Variants in ESR1 observed in about 807,000 individuals in gnomAD.
The protein encoded by ESR1 is estrogen receptor 1.
In ESR1, 12 loss-of-function variants were observed where a neutral mutation model predicts 52.7. The observed-to-expected ratio is 0.23, with a 90% CI of 0.15 to 0.37. The LOEUF (loss-of-function observed/expected upper bound fraction) is 0.37. Ranked by LOEUF, ESR1 falls within the 10% of genes least tolerant of loss-of-function variation. ESR1 has a pLI of 1.00. For missense variants in ESR1, 584 were observed against 779.7 expected, an observed-to-expected ratio of 0.75 and a Z score of 2.99; for synonymous variants, 305 against 316.8, an observed-to-expected ratio of 0.96 and a Z score of 0.39.
At chr6:151,875,821 G>A (rs539310692) in intron 2 of ESR1, among the ~76,000 whole-genome samples, 2 of 152,300 alleles carry the variant, frequency 1.3e-5, no homozygotes, top group South Asian at 4.1e-4. Flanking sequence ...TTAGAGCGGG[G>A]AGAGAAGGCA....
At chr6:151,669,193 G>GAGAGA in intron 1 of ESR1, among the ~76,000 whole-genome samples, 1 of 49,068 alleles carries the variant, frequency 2.0e-5, no homozygotes, top group Non-Finnish European at 4.1e-5. Flanking sequence ...AGAGAGATGG[G>GAGAGA]AATCCAGGGG....
At chr6:151,907,613 A>G (rs1037786664) in intron 3 of ESR1, among the ~76,000 whole-genome samples, 10 of 151,994 alleles carry the variant, frequency 6.6e-5, no homozygotes, top group African/African-American at 2.4e-4. Flanking sequence ...GAGCTGCATT[A>G]ATATTCCAGC....
intron 3 of ESR1, among the ~76,000 whole-genome samples, chr6:151,906,838 A>G (rs1262247498): frequency 1.3e-5 from 2 of 151,392 alleles, no homozygotes; most frequent in African/African-American, 2.4e-5. Flanking sequence ...CCTGGACGCT[A>G]TAAAGTTATT....
intron 5 of ESR1, among the ~76,000 whole-genome samples, chr6:152,033,037 G>A (rs1405942763): frequency 6.6e-6 from 1 of 152,108 alleles, no homozygotes; most frequent in Non-Finnish European, 1.5e-5. Flanking sequence ...ACAAGAAATG[G>A]GGAAAGGATT....
Position 151,808,185 on chromosome 6 carries a change from C to A in ESR1, c.273C>A (p.Ser91=). The A allele has an allele frequency of 1.3e-6, 2 of 1,580,112 alleles. No individual in the cohort carries two copies. Among genetic ancestry groups the A allele is most frequent in the Non-Finnish European group, 1.7e-6 (2 of 1,163,104 alleles). Reference sequence around the variant, plus strand: ...GGTCTGAGGCTGCGGCGTTCGGCTCCAACGGCCTGGGGGGTTTCCCCCCAC... The same window carrying A: ...GGTCTGAGGCTGCGGCGTTCGGCTCAAACGGCCTGGGGGGTTTCCCCCCAC... ...GPGSEAAAFG[S]NGLGGFPPLN... is the part of the protein sequence containing the mutation. Residue 91 remains serine (S), a synonymous_variant, in exon 1 of 8, where the codon TCC becomes TCA. Coordinates refer to ENST00000206249, the MANE Select transcript of ESR1 (RefSeq NM_000125.4).
At chr6:152,002,816 A>G (rs2042058247) in intron 4 of ESR1, among the ~76,000 whole-genome samples, 1 of 152,016 alleles carries the variant, frequency 6.6e-6, no homozygotes, top group Non-Finnish European at 1.5e-5. Context: ...AAAATAAAAG[A>G]CTAGTTTACC....
At chr6:152,015,021 T>C (rs1012725033) in intron 5 of ESR1, among the ~76,000 whole-genome samples, 5 of 152,102 alleles carry the variant, frequency 3.3e-5, no homozygotes, top group Admixed American at 1.3e-4. Context: ...GAGCCAAAAT[T>C]GTGCCATTGC....
At chr6:152,019,100 G>C (rs978241994) in intron 5 of ESR1, among the ~76,000 whole-genome samples, 1 of 152,128 alleles carries the variant, frequency 6.6e-6, no homozygotes, top group African/African-American at 2.4e-5. Context: ...AAGCTGTTTA[G>C]GAGAAAAACT....
At position 151,729,472 on chromosome 6, in the gene ESR1, G is replaced by A. The variant is rs566430434; in HGVS notation, c.-71+27467G>A. On this transcript the variant is annotated intron_variant, in intron 2 of 2. Transcript: ENST00000404742. ...CTATGTGTCCCTGGCACTGAGGCAG[G>A]AACTGAGCAGAGTACGCAGGGGAAT... is the stretch of plus-strand genomic sequence containing the variant. 6.6e-5 allele frequency among the ~76,000 whole-genome samples: 10 copies of A among 152,272 alleles called. No homozygotes were observed. The South Asian group carries it at 1.0e-3, about 16-fold the overall frequency.
At chr6:152,017,280 C>T (rs2043238316) in intron 5 of ESR1, among the ~76,000 whole-genome samples, 1 of 152,128 alleles carries the variant, frequency 6.6e-6, no homozygotes, top group African/African-American at 2.4e-5. Context: ...TTATAACTTT[C>T]CTAGTAGTCA....
At chr6:151,868,718 T>C (rs1000468356) in intron 2 of ESR1, among the ~76,000 whole-genome samples, 4 of 152,152 alleles carry the variant, frequency 2.6e-5, no homozygotes, top group African/African-American at 7.2e-5. Flanking sequence ...TGATGGGCAA[T>C]TGGGTTGATT....
intron 1 of ESR1, among the ~76,000 whole-genome samples, chr6:151,694,470 T>C (rs1582913761): frequency 1.3e-5 from 2 of 152,200 alleles, no homozygotes; most frequent in Admixed American, 1.3e-4. Context: ...GTAAAAGAGT[T>C]TTGTACAAAG....
At chr6:151,915,847 TTCTCTC>T (rs10549103) in intron 3 of ESR1, among the ~76,000 whole-genome samples, 2 of 149,094 alleles carry the variant, frequency 1.3e-5, no homozygotes, top group African/African-American at 2.4e-5. Context: ...CTTTCTCTCT[TTCTCTC>T]TCTCTCTCTC....
chr6:152,013,773 C>T (rs2042959555), intron 5 of ESR1, among the ~76,000 whole-genome samples: 1 of 152,148 alleles, frequency 6.6e-6, no homozygotes, highest in Non-Finnish European at 1.5e-5. Context: ...GTTCTCATCT[C>T]TATTCATTCC....
At chr6:151,752,624 T>C (rs1783987821) in intron 2 of ESR1, among the ~76,000 whole-genome samples, 2 of 152,210 alleles carry the variant, frequency 1.3e-5, no homozygotes, top group Admixed American at 1.3e-4. Flanking sequence ...TTCTTTTCTA[T>C]GTGTCAAATT....
intron 4 of ESR1, among the ~76,000 whole-genome samples, chr6:151,958,050 T>C (rs913990008): frequency 2.0e-5 from 3 of 152,202 alleles, no homozygotes; most frequent in African/African-American, 7.2e-5. Context: ...TTCAGATACA[T>C]CTGTCTAAAA....
chr6:152,052,782 G>A lies in ESR1; in HGVS notation c.1236-8209G>A, dbSNP rs370902032. Among the ~76,000 whole-genome samples the A allele has an allele frequency of 7.9e-5, 12 of 152,190 alleles. No homozygotes were observed. The South Asian group carries it at 2.1e-3, about 26-fold the overall frequency. ...AGGATGGGGGTGAGGTGGGGTGGGC[G>A]GTGGTGATCCAAGCAGACAGCACGG... On this transcript the variant is annotated intron_variant, in intron 5 of 7. Transcript: ENST00000206249.
intron 2 of ESR1, among the ~76,000 whole-genome samples, chr6:151,773,896 G>T (rs1173338598): frequency 6.6e-6 from 1 of 152,182 alleles, no homozygotes; most frequent in African/African-American, 2.4e-5. Flanking sequence ...TCTTTGAATT[G>T]TTATCAGCAA....
intron 2 of ESR1, among the ~76,000 whole-genome samples, chr6:151,765,686 A>G (rs977585682): frequency 3.9e-5 from 6 of 152,246 alleles, no homozygotes; most frequent in East Asian, 3.9e-4. Context: ...TGTCACTCAG[A>G]TTCTGGCACT....
Sources: gnomAD v4.1 joint callset for allele counts (sites outside exome capture counted in the v4.1 genomes callset) on GRCh38, gnomAD v4.1.1 for gene constraint, MANE v1.5 for transcripts, NCBI Gene and HGNC (gene_info 2026-07-23, HGNC 2026-07-21) for gene names.